The following TRAF3 variants were observed in gnomAD, a reference collection of about 807,000 sequenced individuals.
The protein encoded by TRAF3 is TNF receptor associated factor 3, also known as TNF receptor-associated factor 3.
In TRAF3, 13 loss-of-function variants were observed where a neutral mutation model predicts 62.3. The ratio of observed to expected loss-of-function variants is 0.21; its 90% CI spans 0.14 to 0.33. The LOEUF (loss-of-function observed/expected upper bound fraction) is 0.33, where lower values mean the gene tolerates loss of function less well. TRAF3 is among the 10% of genes least tolerant of loss of function. The pLI, the probability that TRAF3 is intolerant of heterozygous loss-of-function variation, is 1.00. For synonymous variants in TRAF3, 269 were observed against 283.4 expected (o/e 0.95, Z 0.51); for missense variants, 440 against 741.8 (o/e 0.59, Z 4.73).
intron 1 of TRAF3, among the ~76,000 whole-genome samples, chr14:102,796,136 G>T (rs1472749209): frequency 1.3e-5 from 2 of 152,238 alleles, no homozygotes; most frequent in Non-Finnish European, 2.9e-5. Context: ...AGAATTGCTT[G>T]AACCCGGGAG....
chr14:102,813,195 G>A (rs1256673069), intron 1 of TRAF3, among the ~76,000 whole-genome samples: 1 of 42,202 alleles, frequency 2.4e-5, no homozygotes, highest in African/African-American at 4.0e-5. Context: ...GGCTGGTCTC[G>A]AACTCCTGAC....
At chr14:102,904,185 A>G (rs1890458292) in intron 11 of TRAF3, among the ~76,000 whole-genome samples, 1 of 152,206 alleles carries the variant, frequency 6.6e-6, no homozygotes, top group Non-Finnish European at 1.5e-5. Context: ...AGGCAGGTCA[A>G]CCGCCCAGGA....
intron 9 of TRAF3, among the ~76,000 whole-genome samples, chr14:102,893,918 T>C (rs761214669): frequency 3.3e-4 from 50 of 152,340 alleles, no homozygotes; most frequent in Non-Finnish European, 5.3e-4. Flanking sequence ...AGCAGAGATA[T>C]TTATGTTTAC....
chr14:102,865,297 T>C (rs1403398925), intron 2 of TRAF3, among the ~76,000 whole-genome samples: 1 of 152,168 alleles, frequency 6.6e-6, no homozygotes, highest in Non-Finnish European at 1.5e-5. Flanking sequence ...AGGGTTCGTG[T>C]CATTTCTTTC....
chr14:102,876,587 C>T, intron 6 of TRAF3, 62 bp downstream of exon 6: 3 of 1,586,230 alleles, frequency 1.9e-6, no homozygotes, highest in Admixed American at 3.5e-5. Context: ...TTCCACAGGC[C>T]TTCCGCTCAA....
At chr14:102,881,145 AGGCCAAAGCGGGT>A (rs900361577) in intron 6 of TRAF3, among the ~76,000 whole-genome samples, 2 of 152,186 alleles carry the variant, frequency 1.3e-5, no homozygotes, top group African/African-American at 4.8e-5. Context: ...CACTTTTGGG[AGGCCAAAGCGGGT>A]GGATCACCTG....
At chr14:102,888,515 C>T (rs1889532152) in intron 7 of TRAF3, among the ~76,000 whole-genome samples, 1 of 152,208 alleles carries the variant, frequency 6.6e-6, no homozygotes, top group Non-Finnish European at 1.5e-5. Flanking sequence ...TCCTGGTAGA[C>T]TGAGAAGTTG....
intron 2 of TRAF3, among the ~76,000 whole-genome samples, chr14:102,857,914 AAAAC>A (rs1288551666): frequency 6.6e-6 from 1 of 152,258 alleles, no homozygotes; most frequent in Non-Finnish European, 1.5e-5. Context: ...CAGGTAGAGA[AAAAC>A]AAATATGCTC....
intron 1 of TRAF3, among the ~76,000 whole-genome samples, chr14:102,814,197 C>T (rs887679151): frequency 2.1e-4 from 32 of 152,130 alleles, no homozygotes; most frequent in Admixed American, 1.6e-3. Context: ...ATGTTCTTGG[C>T]GCCTTTGTCA....
intron 1 of TRAF3, among the ~76,000 whole-genome samples, chr14:102,785,346 G>A (rs1055394343): frequency 3.9e-5 from 6 of 152,154 alleles, no homozygotes; most frequent in African/African-American, 1.4e-4. Flanking sequence ...GGTTCTTTAC[G>A]CAGTGGCTCA....
intron 1 of TRAF3, among the ~76,000 whole-genome samples, chr14:102,784,274 G>A (rs1020439443): frequency 7.0e-6 from 1 of 143,864 alleles, no homozygotes; most frequent in Non-Finnish European, 1.5e-5. Flanking sequence ...CCAGGCTGGA[G>A]TGCAGTGGCA....
At chr14:102,808,475 T>A (rs1898908268) in intron 1 of TRAF3, among the ~76,000 whole-genome samples, 2 of 148,896 alleles carry the variant, frequency 1.3e-5, no homozygotes, top group African/African-American at 5.0e-5. Flanking sequence ...ATTGTGCCAC[T>A]GCACTCCAGC....
At chr14:102,905,072 A>G in intron 11 of TRAF3, 141 bp from the exon 12 acceptor site, 1 of 848,876 alleles carries the variant, frequency 1.2e-6, no homozygotes, top group Non-Finnish European at 1.9e-6. Context: ...AGATGGTGCC[A>G]CTGCACTCCA....
chr14:102,876,784 T>C (rs1888686945), intron 6 of TRAF3: 2 of 482,756 alleles, frequency 4.1e-6, no homozygotes, highest in East Asian at 4.1e-5. Context: ...AGCTCACAGA[T>C]AATCCGTTCC....
chr14:102,839,010 C>T (rs566423758), intron 2 of TRAF3, among the ~76,000 whole-genome samples: 1 of 152,116 alleles, frequency 6.6e-6, no homozygotes, highest in East Asian at 1.9e-4. Context: ...ATGAAATGAA[C>T]GCTGTAGAGA....
chr14:102,869,503 A>G (rs553712109), intron 2 of TRAF3, among the ~76,000 whole-genome samples: 1 of 152,274 alleles, frequency 6.6e-6, no homozygotes, highest in South Asian at 2.1e-4. Context: ...AAAATACTGT[A>G]TTATTAACTT....
chr14:102,872,428 C>T (rs1010524944), intron 4 of TRAF3, among the ~76,000 whole-genome samples: 2 of 152,100 alleles, frequency 1.3e-5, no homozygotes, highest in Admixed American at 1.3e-4. Flanking sequence ...TGCTCCCTGC[C>T]CCCCAGGCCC....
chr14:102,817,454 A>T (rs1226453162), intron 1 of TRAF3, among the ~76,000 whole-genome samples: 2 of 152,086 alleles, frequency 1.3e-5, no homozygotes, highest in African/African-American at 4.8e-5. Flanking sequence ...TCTGGAAGGC[A>T]GGGTGTTCAG....
At chr14:102,864,383 C>T (rs958211653) in intron 2 of TRAF3, among the ~76,000 whole-genome samples, 4 of 152,024 alleles carry the variant, frequency 2.6e-5, no homozygotes, top group Non-Finnish European at 5.9e-5. Context: ...CTCCTGACCT[C>T]GTGATCTGCC....
Sources: allele counts gnomAD v4.1 joint callset (sites outside exome capture counted in the v4.1 genomes callset), GRCh38; gene constraint gnomAD v4.1.1; transcripts MANE v1.5; gene names NCBI Gene and HGNC (gene_info 2026-07-23, HGNC 2026-07-21).